GRID2: variants seen among roughly 807,000 people sequenced by gnomAD.
GRID2 encodes glutamate ionotropic receptor delta type subunit 2.
GRID2 carries 33 observed loss-of-function variants against 114.8 expected under a neutral mutation model. The observed-to-expected ratio is 0.29, with a 90% CI of 0.22 to 0.38. The LOEUF (loss-of-function observed/expected upper bound fraction) is 0.38, where lower values mean the gene tolerates loss of function less well. GRID2 is among the 10% of genes least tolerant of loss of function. The pLI is 1.00. For synonymous variants in GRID2, 505 were observed against 449.9 expected, an observed-to-expected ratio of 1.12 and a Z score of -1.55; for missense variants, 1,184 against 1,257.7, an observed-to-expected ratio of 0.94 and a Z score of 0.89.
In GRID2 at chr4:92,731,550, ACTTAT is replaced by A. The variant is rs1282530029; in HGVS notation, c.244+141268_244+141272del. ...ATATTTCTACACAATGTATATTTGC[ACTTAT>A]CTTCAAACTGATTTTGTAATTTGTT... On this transcript the variant is annotated intron_variant, in intron 2 of 15. Coordinates refer to ENST00000282020, the MANE Select transcript of GRID2 (RefSeq NM_001510.4). Among the ~76,000 whole-genome samples the A allele has an allele frequency of 7.2e-5, 11 of 152,054 alleles. No individual in the cohort carries two copies. The South Asian group carries it at 1.2e-3, about 17-fold the overall frequency.
chr4:93,374,220 A>G (rs1475860983), intron 8 of GRID2, among the ~76,000 whole-genome samples: 2 of 152,302 alleles, frequency 1.3e-5, no homozygotes, highest in South Asian at 2.1e-4. Context: ...AATATGTCAT[A>G]TTAGCTCTTC....
rs1156598272 is a variant in GRID2 at position 92,477,038 on chromosome 4, CATGTGT to C, written c.89-113092_89-113087del. Among the ~76,000 whole-genome samples, 676 of 104,852 alleles carry C rather than the reference CATGTGT, an allele frequency of 6.4e-3. 6 individuals are homozygous for C. Among genetic ancestry groups the C allele is most frequent in the Admixed American group, 9.9e-3 (92 of 9,298 alleles). 68.8% of individuals were successfully genotyped at this position (104,852 alleles called of 152,430 possible). On this transcript the variant is annotated intron_variant, in intron 1 of 15. Transcript: ENST00000282020. ...ATGGCTAAACTATTTGATTTAACTT[CATGTGT>C]GTGTGTGTGTGTGTGTGTGTGTGTG...
intron 13 of GRID2, among the ~76,000 whole-genome samples, chr4:93,535,759 AT>A (rs1731998437): frequency 6.6e-6 from 1 of 151,736 alleles, no homozygotes; most frequent in Admixed American, 6.6e-5. Flanking sequence ...TTTTCTTTTA[AT>A]TTAGTTGTTT....
chr4:92,700,394 A>C (rs1391446873), intron 2 of GRID2, among the ~76,000 whole-genome samples: 1 of 152,168 alleles, frequency 6.6e-6, no homozygotes, highest in East Asian at 1.9e-4. Context: ...CAGACACCTA[A>C]AATATCTCAT....
At chr4:92,483,796 G>T (rs1722731165) in intron 1 of GRID2, among the ~76,000 whole-genome samples, 2 of 152,072 alleles carry the variant, frequency 1.3e-5, no homozygotes, top group African/African-American at 4.8e-5. Context: ...ACAAGCAACA[G>T]AAAAAAATTA....
intron 1 of GRID2, among the ~76,000 whole-genome samples, chr4:92,517,170 A>G (rs577246215): frequency 7.0e-6 from 1 of 142,958 alleles, no homozygotes; most frequent in East Asian, 2.0e-4. Context: ...TCAGAATTCA[A>G]ACCCTACTCA....
chr4:93,744,283 A>AT (rs1408892701), intron 14 of GRID2, among the ~76,000 whole-genome samples: 1 of 152,220 alleles, frequency 6.6e-6, no homozygotes, highest in Non-Finnish European at 1.5e-5. Context: ...TATTTAAGAA[A>AT]TACATTTTGG....
chr4:92,885,157 C>G (rs745943794), intron 2 of GRID2: 1 of 260,020 alleles, frequency 3.8e-6, no homozygotes, highest in Non-Finnish European at 7.5e-6. Context: ...ATCACTAATA[C>G]GACATCTTCA....
intron 2 of GRID2, among the ~76,000 whole-genome samples, chr4:92,922,178 T>C (rs1749409760): frequency 6.6e-6 from 1 of 152,172 alleles, no homozygotes; most frequent in Non-Finnish European, 1.5e-5. Flanking sequence ...GGTGTGCCGC[T>C]TGCTAAGACA....
chr4:92,333,795 C>T (rs932924067), intron 1 of GRID2, among the ~76,000 whole-genome samples: 13 of 152,136 alleles, frequency 8.5e-5, no homozygotes, highest in African/African-American at 2.9e-4. Flanking sequence ...AGTGCAGTGG[C>T]ATGATCATTG....
At chr4:92,745,629 A>C (rs1046292940) in intron 2 of GRID2, among the ~76,000 whole-genome samples, 7 of 152,104 alleles carry the variant, frequency 4.6e-5, no homozygotes, top group African/African-American at 7.2e-5. Context: ...ATTTAAATTT[A>C]GTTTAATTTT....
chr4:92,934,769 G>C lies in GRID2; in HGVS notation c.245-150226G>C, dbSNP rs547850315. 2.4e-3 allele frequency among the ~76,000 whole-genome samples: 346 copies of C among 146,524 alleles called. 35 individuals are homozygous for C. Among genetic ancestry groups the C allele is most frequent in the South Asian group, 0.018 (78 of 4,362 alleles). ...ACTATCTGATCTTTGACAAACCTGA[G>C]AAAAACAAGCAGTGGGGAAAGGATT... is the stretch of plus-strand genomic sequence containing the variant. On this transcript the variant is annotated intron_variant, in intron 2 of 15. Transcript: ENST00000282020.
intron 14 of GRID2, among the ~76,000 whole-genome samples, chr4:93,746,818 G>T (rs1245149095): frequency 6.6e-6 from 1 of 152,008 alleles, no homozygotes; most frequent in Admixed American, 6.6e-5. Flanking sequence ...CTTTTCTGGT[G>T]ATAATGTCTA....
chr4:93,457,486 T>C (rs1296270313), intron 11 of GRID2, among the ~76,000 whole-genome samples: 1 of 152,028 alleles, frequency 6.6e-6, no homozygotes, highest in Non-Finnish European at 1.5e-5. Flanking sequence ...TTAAAGATAA[T>C]AAATGGGAAA....
At chr4:93,211,508 G>A (rs1743473029) in intron 5 of GRID2, among the ~76,000 whole-genome samples, 1 of 151,970 alleles carries the variant, frequency 6.6e-6, no homozygotes, top group African/African-American at 2.4e-5. Context: ...AATCTCACTG[G>A]TAAATAACTC....
At chr4:92,660,807 A>G (rs1234073657) in intron 2 of GRID2, among the ~76,000 whole-genome samples, 2 of 151,316 alleles carry the variant, frequency 1.3e-5, no homozygotes, top group East Asian at 3.9e-4. Context: ...AAATTAAAAT[A>G]TATGTTGCAT....
chr4:93,140,499 A>G (rs1735677867), intron 4 of GRID2, among the ~76,000 whole-genome samples: 1 of 152,072 alleles, frequency 6.6e-6, no homozygotes, highest in East Asian at 1.9e-4. Context: ...GCATTTGCTC[A>G]ATTTTATGTA....
intron 8 of GRID2, among the ~76,000 whole-genome samples, chr4:93,361,102 T>C (rs1761842668): frequency 6.6e-6 from 1 of 152,088 alleles, no homozygotes; most frequent in African/African-American, 2.4e-5. Flanking sequence ...TTGACATCTA[T>C]AGTGGGACAT....
At chr4:93,050,341 T>G (rs1315141385) in intron 2 of GRID2, among the ~76,000 whole-genome samples, 1 of 152,078 alleles carries the variant, frequency 6.6e-6, no homozygotes, top group African/African-American at 2.4e-5. Flanking sequence ...TCTTCTATCC[T>G]CGTTGCTTTT....
Sources: allele counts gnomAD v4.1 joint callset (sites outside exome capture counted in the v4.1 genomes callset), GRCh38; gene constraint gnomAD v4.1.1; transcripts MANE v1.5; gene names NCBI Gene and HGNC (gene_info 2026-07-23, HGNC 2026-07-21).